AGTPBP1: variants seen among roughly 807,000 people sequenced by gnomAD.
AGTPBP1 encodes the protein ATP/GTP binding carboxypeptidase 1, also known as cytosolic carboxypeptidase 1.
Under a neutral mutation model 143.9 loss-of-function variants are expected in AGTPBP1, and 70 were observed. That is an observed-to-expected ratio of 0.49 (90% CI 0.40 to 0.59). The LOEUF (loss-of-function observed/expected upper bound fraction) is 0.59, where lower values mean the gene tolerates loss of function less well. Ranked by LOEUF, AGTPBP1 falls within the 20% of genes least tolerant of loss-of-function variation. The pLI is 0.00. For missense variants in AGTPBP1, 1,229 were observed against 1,464.5 expected, an observed-to-expected ratio of 0.84 and a Z score of 2.62; for synonymous variants, 463 against 500.2, an observed-to-expected ratio of 0.93 and a Z score of 0.99.
intron 11 of AGTPBP1, among the ~76,000 whole-genome samples, chr9:85,651,700 C>T (rs1040185649): frequency 6.6e-6 from 1 of 152,144 alleles, no homozygotes; most frequent in Non-Finnish European, 1.5e-5. Context: ...AATATGTCAC[C>T]TTCACATATG....
chr9:85,734,772 C>G (rs1839128834), intron 1 of AGTPBP1, among the ~76,000 whole-genome samples: 1 of 152,096 alleles, frequency 6.6e-6, no homozygotes, highest in South Asian at 2.1e-4. Flanking sequence ...CTCAAAAGAA[C>G]TGAAAGCAAG....
intron 2 of AGTPBP1, among the ~76,000 whole-genome samples, chr9:85,694,228 G>A (rs1299819770): frequency 2.6e-5 from 4 of 152,152 alleles, no homozygotes; most frequent in Admixed American, 2.0e-4. Flanking sequence ...CAATCCACTC[G>A]TACACTTGCT....
At chr9:85,730,051 C>G (rs191033645) in intron 1 of AGTPBP1, among the ~76,000 whole-genome samples, 18 of 152,332 alleles carry the variant, frequency 1.2e-4, no homozygotes, top group Admixed American at 9.8e-4. Flanking sequence ...TTTCCAGATT[C>G]TGAAACAGCA....
At chr9:85,761,103 A>C in the AGTPBP1 span, among the ~76,000 whole-genome samples, 1 of 152,380 alleles carries the variant, frequency 6.6e-6, no homozygotes, top group Non-Finnish European at 1.5e-5. Flanking sequence ...ACTACAGACC[A>C]CTGCTCAGCA....
At chr9:85,605,277 A>G (rs1325384999) in intron 17 of AGTPBP1, among the ~76,000 whole-genome samples, 1 of 152,204 alleles carries the variant, frequency 6.6e-6, no homozygotes, top group Admixed American at 6.5e-5. Flanking sequence ...GAACTCCAAT[A>G]TATCTGGTAG....
At chr9:85,606,490 T>C (rs1829999603) in intron 17 of AGTPBP1, among the ~76,000 whole-genome samples, 1 of 150,968 alleles carries the variant, frequency 6.6e-6, no homozygotes, top group Non-Finnish European at 1.5e-5. Context: ...TGGAAAACAG[T>C]ACAGAAATTT....
chr9:85,768,660 G>A, the AGTPBP1 span, among the ~76,000 whole-genome samples: 1 of 151,872 alleles, frequency 6.6e-6, no homozygotes, highest in Non-Finnish European at 1.5e-5. Context: ...ATTCCTTATG[G>A]AGCAATTATC....
At chr9:85,579,493 C>T (rs951098870) in intron 23 of AGTPBP1, among the ~76,000 whole-genome samples, 1 of 151,804 alleles carries the variant, frequency 6.6e-6, no homozygotes, top group South Asian at 2.1e-4. Context: ...AAGACAATCA[C>T]AATCAAAACT....
At chr9:85,732,417 T>C (rs896004655) in intron 1 of AGTPBP1, among the ~76,000 whole-genome samples, 2 of 152,030 alleles carry the variant, frequency 1.3e-5, no homozygotes, top group Non-Finnish European at 2.9e-5. Flanking sequence ...GGTTTTACCA[T>C]GTTAGCCAGG....
the AGTPBP1 span, among the ~76,000 whole-genome samples, chr9:85,752,594 T>A: frequency 6.6e-6 from 1 of 152,214 alleles, no homozygotes; most frequent in African/African-American, 2.4e-5. Context: ...ATTGCCTCAG[T>A]AAGAGCTAAC....
the AGTPBP1 span, among the ~76,000 whole-genome samples, chr9:85,781,787 A>G: frequency 6.6e-6 from 1 of 152,222 alleles, no homozygotes; most frequent in Non-Finnish European, 1.5e-5. Flanking sequence ...CTGGAAATTA[A>G]AAAATGTAAT....
intron 11 of AGTPBP1, among the ~76,000 whole-genome samples, chr9:85,652,939 AG>A (rs1485344140): frequency 6.6e-6 from 1 of 152,164 alleles, no homozygotes; most frequent in Non-Finnish European, 1.5e-5. Context: ...ACACCCAGCT[AG>A]TGTCTGGAGA....
chr9:85,641,448 GTCT>G (rs948136606), intron 13 of AGTPBP1, among the ~76,000 whole-genome samples: 5 of 151,850 alleles, frequency 3.3e-5, no homozygotes, highest in African/African-American at 7.3e-5. Context: ...GCCTCTTCCT[GTCT>G]TCTTTTTTTT....
At chr9:85,801,449 A>G in the AGTPBP1 span, among the ~76,000 whole-genome samples, 4 of 152,202 alleles carry the variant, frequency 2.6e-5, no homozygotes, top group Non-Finnish European at 5.9e-5. Flanking sequence ...CTTTATAACC[A>G]AGGTTTTTAA....
At chr9:85,678,451 C>T in intron 4 of AGTPBP1, 53 bp from the exon 5 acceptor site, 1 of 1,226,020 alleles carries the variant, frequency 8.2e-7, no homozygotes. Context: ...GATTCCCAGA[C>T]TTTTGAATCC....
intron 24 of AGTPBP1, among the ~76,000 whole-genome samples, chr9:85,577,347 T>TC (rs1827959987): frequency 6.6e-6 from 1 of 152,196 alleles, no homozygotes; most frequent in Non-Finnish European, 1.5e-5. Context: ...AATCACATAG[T>TC]CCAAGGTTTT....
At chr9:85,755,727 G>GT in the AGTPBP1 span, among the ~76,000 whole-genome samples, 1 of 152,200 alleles carries the variant, frequency 6.6e-6, no homozygotes, top group Non-Finnish European at 1.5e-5. Context: ...AGCCACCAGT[G>GT]TAAGTGCTGT....
intron 25 of AGTPBP1, 63 bp downstream of exon 25, chr9:85,575,252 C>T: frequency 3.9e-6 from 5 of 1,289,204 alleles, no homozygotes; most frequent in Non-Finnish European, 5.1e-6. Flanking sequence ...GCCTTTTCTG[C>T]TATTTTAATG....
In AGTPBP1 at chr9:85,645,373, C is replaced by T. The variant is rs759547551; in HGVS notation, c.1185+948G>A. Among the ~76,000 whole-genome samples, 39 of 152,070 alleles carry T rather than the reference C, an allele frequency of 2.6e-4. 1 individual carries two copies. Among genetic ancestry groups the T allele is most frequent in the Non-Finnish European group, 2.6e-4 (18 of 67,974 alleles). On this transcript the variant is annotated intron_variant, in intron 12 of 25. Transcript: ENST00000357081. ...AAGACAAAGAAATCTGTAGAAATGTCCCAGATTAAAGGAGACTAAAGAGAC... is the reference window on the plus strand; with the variant it reads ...AAGACAAAGAAATCTGTAGAAATGTTCCAGATTAAAGGAGACTAAAGAGAC...
Sources: gnomAD v4.1 joint callset for allele counts (sites outside exome capture counted in the v4.1 genomes callset) on GRCh38, gnomAD v4.1.1 for gene constraint, MANE v1.5 for transcripts, NCBI Gene and HGNC (gene_info 2026-07-23, HGNC 2026-07-21) for gene names.